Variants in GPC6 observed in about 807,000 individuals in gnomAD.
GPC6 encodes glypican 6, also known as glypican-6.
Under a neutral mutation model 55.2 loss-of-function variants are expected in GPC6, and 14 were observed. The ratio of observed to expected loss-of-function variants is 0.25; its 90% CI spans 0.17 to 0.40. GPC6 has a LOEUF of 0.40. Among genes scored for constraint, GPC6 ranks in the 10% least tolerant of loss-of-function variants. GPC6 has a pLI of 1.00. For missense variants in GPC6, 641 were observed against 708.5 expected (o/e 0.90, Z 1.08); for synonymous variants, 278 against 259.6 (o/e 1.07, Z -0.68).
At chr13:94,258,605 G>T (rs1277850549) in intron 4 of GPC6, among the ~76,000 whole-genome samples, 2 of 152,132 alleles carry the variant, frequency 1.3e-5, no homozygotes, top group African/African-American at 4.8e-5. Flanking sequence ...TTCTAACTTT[G>T]TTAGGATAGA....
intron 2 of GPC6, among the ~76,000 whole-genome samples, chr13:93,634,081 A>C (rs1300162185): frequency 6.6e-6 from 1 of 152,204 alleles, no homozygotes; most frequent in African/African-American, 2.4e-5. Context: ...ACTTTACCCC[A>C]GCTTCCCTCA....
chr13:94,112,240 A>AATATATTTG (rs1464791025), intron 4 of GPC6, among the ~76,000 whole-genome samples: 143 of 152,296 alleles, frequency 9.4e-4, no homozygotes, highest in Middle Eastern at 3.4e-3. Context: ...TTTCTACTCA[A>AATATATTTG]AATGTATTTG....
rs1161872201 is a variant in GPC6 at position 93,512,430 on chromosome 13, T to A, written c.161-32833T>A. ...TTTTGTGTGTCAGTTGAAATCGTTT[T>A]TTCTTTCATTCTATTGACATGATGT... On this transcript the variant is annotated intron_variant, in intron 1 of 8. Coordinates refer to ENST00000377047, the MANE Select transcript of GPC6 (RefSeq NM_005708.5). Among the ~76,000 whole-genome samples, 4 of 152,132 alleles carry A rather than the reference T, an allele frequency of 2.6e-5. No individual in the cohort carries two copies. In the East Asian group the frequency reaches 7.7e-4, roughly 29 times the overall value.
intron 4 of GPC6, among the ~76,000 whole-genome samples, chr13:94,147,607 T>G (rs998830470): frequency 2.0e-5 from 3 of 152,178 alleles, no homozygotes; most frequent in Non-Finnish European, 2.9e-5. Flanking sequence ...TCTGGTTTAG[T>G]GTAAAAAGTG....
At chr13:93,950,208 A>G (rs1031912905) in intron 3 of GPC6, among the ~76,000 whole-genome samples, 2 of 152,196 alleles carry the variant, frequency 1.3e-5, no homozygotes, top group East Asian at 1.9e-4. Context: ...AAATAAGTAG[A>G]TGATACTTAA....
chr13:94,239,785 A>G (rs1333155070), intron 4 of GPC6, among the ~76,000 whole-genome samples: 1 of 152,170 alleles, frequency 6.6e-6, no homozygotes, highest in Non-Finnish European at 1.5e-5. Flanking sequence ...CTAGAAACAA[A>G]AAGCTAAACA....
intron 3 of GPC6, among the ~76,000 whole-genome samples, chr13:94,022,464 A>T (rs1329804656): frequency 2.0e-5 from 3 of 151,886 alleles, no homozygotes; most frequent in Non-Finnish European, 4.4e-5. Context: ...CATATATACC[A>T]ACTTCTTTAT....
chr13:93,439,069 T>G (rs1257757940), intron 1 of GPC6, among the ~76,000 whole-genome samples: 2 of 152,178 alleles, frequency 1.3e-5, no homozygotes, highest in African/African-American at 4.8e-5. Flanking sequence ...AATTAAGGTA[T>G]GTACATTGTT....
At chr13:93,612,736 A>G (rs1214785286) in intron 2 of GPC6, among the ~76,000 whole-genome samples, 3 of 152,224 alleles carry the variant, frequency 2.0e-5, no homozygotes. Flanking sequence ...ATAATTTCAG[A>G]TGAAAGTCTA....
chr13:93,814,211 T>C (rs2138955531), intron 2 of GPC6, among the ~76,000 whole-genome samples: 1 of 152,312 alleles, frequency 6.6e-6, no homozygotes, highest in South Asian at 2.1e-4. Context: ...TCACTTCTTA[T>C]TTATACAGCG....
chr13:93,765,309 A>AGGTAAGCTGTCTGGAAAGACAAC (rs1287047496), intron 2 of GPC6, among the ~76,000 whole-genome samples: 1 of 27,500 alleles, frequency 3.6e-5, no homozygotes, highest in Admixed American at 4.2e-4. Context: ...AAGACAACTT[A>AGGTAAGCTGTCTGGAAAGACAAC]TTTGGTTTAA....
At chr13:93,675,972 T>C (rs1881570653) in intron 2 of GPC6, among the ~76,000 whole-genome samples, 1 of 151,436 alleles carries the variant, frequency 6.6e-6, no homozygotes, top group Non-Finnish European at 1.5e-5. Context: ...AACTGGGCTT[T>C]AAAAAATGGT....
At chr13:93,405,905 G>A (rs1876272985) in intron 1 of GPC6, among the ~76,000 whole-genome samples, 2 of 152,132 alleles carry the variant, frequency 1.3e-5, no homozygotes, top group Non-Finnish European at 1.5e-5. Flanking sequence ...TCAGCCACAG[G>A]GCCAATTAGA....
At chr13:93,724,613 C>T (rs959121921) in intron 2 of GPC6, among the ~76,000 whole-genome samples, 1 of 151,918 alleles carries the variant, frequency 6.6e-6, no homozygotes, top group South Asian at 2.1e-4. Context: ...TTTAGGTGAT[C>T]GTTTTTTGGT....
At chr13:93,985,677 G>C (rs559329582) in intron 3 of GPC6, among the ~76,000 whole-genome samples, 28 of 60,104 alleles carry the variant, frequency 4.7e-4, no homozygotes, top group African/African-American at 1.5e-3. Context: ...AGGTGACAAA[G>C]CAAGACCTGG....
chr13:93,750,005 A>G (rs1429509527), intron 2 of GPC6, among the ~76,000 whole-genome samples: 1 of 152,172 alleles, frequency 6.6e-6, no homozygotes. Context: ...ATTTTCTATA[A>G]CAAAGAACAG....
chr13:93,409,756 T>C (rs896582232), intron 1 of GPC6, among the ~76,000 whole-genome samples: 4 of 152,326 alleles, frequency 2.6e-5, no homozygotes, highest in Admixed American at 2.0e-4. Flanking sequence ...TTAAGCTCTA[T>C]GTAATTGTAA....
chr13:93,761,822 G>T (rs1884965102), intron 2 of GPC6, among the ~76,000 whole-genome samples: 1 of 152,104 alleles, frequency 6.6e-6, no homozygotes, highest in South Asian at 2.1e-4. Context: ...AATCAAATAA[G>T]CATAATTAAC....
chr13:93,906,698 A>G (rs956167084), intron 3 of GPC6, among the ~76,000 whole-genome samples: 1 of 152,186 alleles, frequency 6.6e-6, no homozygotes, highest in African/African-American at 2.4e-5. Context: ...AATGACGTTT[A>G]TATCCCCAGC....
Sources: gnomAD v4.1 joint callset for allele counts (sites outside exome capture counted in the v4.1 genomes callset) on GRCh38, gnomAD v4.1.1 for gene constraint, MANE v1.5 for transcripts, NCBI Gene and HGNC (gene_info 2026-07-23, HGNC 2026-07-21) for gene names.